The following NPM1 variants were observed in gnomAD, a reference collection of about 807,000 sequenced individuals.
The protein encoded by NPM1 is nucleophosmin 1, also known as nucleophosmin.
A neutral mutation model predicts 44.1 loss-of-function variants in NPM1; 1 was observed. That is an observed-to-expected ratio of 0.02 (90% CI 0.01 to 0.11). The LOEUF is 0.11. Ranked by LOEUF, NPM1 falls within the 10% of genes least tolerant of loss-of-function variation. NPM1 has a pLI of 1.00. For synonymous variants in NPM1, 126 were observed against 111.8 expected, an observed-to-expected ratio of 1.13 and a Z score of -0.80; for missense variants, 197 against 347.8, an observed-to-expected ratio of 0.57 and a Z score of 3.45.
At chr5:171,387,514 C>T (rs1401350383), upstream of NPM1, 5 of 206,984 alleles carry the variant, frequency 2.4e-5, no homozygotes, top group South Asian at 1.8e-4. Context: ...GTGGGCTGCG[C>T]AGACTCTTGG....
upstream of NPM1, chr5:171,387,520 C>A (rs1383210072): frequency 9.2e-6 from 2 of 216,584 alleles, no homozygotes; most frequent in Admixed American, 1.2e-4. Flanking sequence ...TGCGCAGACT[C>A]TTGGCGGGAG....
At chr5:171,406,965 C>A (rs955779017) in intron 9 of NPM1, 1 of 157,010 alleles carries the variant, frequency 6.4e-6, no homozygotes, top group Non-Finnish European at 1.4e-5. Flanking sequence ...GTGATAAATA[C>A]AAACATTTCA....
chr5:171,390,182 T>C (rs1330606893), intron 2 of NPM1, 52 bp downstream of exon 2: 1 of 1,060,250 alleles, frequency 9.4e-7, no homozygotes, highest in Admixed American at 2.7e-5. Flanking sequence ...TTCAGCCTTT[T>C]AGTTTCTATT....
intron 8 of NPM1, among the ~76,000 whole-genome samples, chr5:171,401,550 C>T (rs1247120481): frequency 6.6e-6 from 1 of 152,178 alleles, no homozygotes. Flanking sequence ...GATTCTCCTG[C>T]CTCAGCTTCC....
At chr5:171,395,479 T>A (rs189202035) in intron 6 of NPM1, among the ~76,000 whole-genome samples, 17 of 152,228 alleles carry the variant, frequency 1.1e-4, no homozygotes, top group African/African-American at 4.1e-4. Context: ...TTTGTATTTT[T>A]AGTAGAGACG....
chr5:171,388,602 G>A (rs1770401855), intron 1 of NPM1, among the ~76,000 whole-genome samples: 2 of 150,756 alleles, frequency 1.3e-5, no homozygotes, highest in East Asian at 2.0e-4. Context: ...TTGGGGGAGG[G>A]AGGGGGGTGT....
At chr5:171,398,380 G>A (rs1771021452) in intron 6 of NPM1, among the ~76,000 whole-genome samples, 1 of 152,104 alleles carries the variant, frequency 6.6e-6, no homozygotes, top group Admixed American at 6.6e-5. Flanking sequence ...TGTGAATGGA[G>A]GGGTCTAAAT....
chr5:171,390,235 A>G, intron 2 of NPM1, 105 bp downstream of exon 2: 1 of 611,306 alleles, frequency 1.6e-6, no homozygotes, highest in East Asian at 3.1e-5. Context: ...CTGCTTATAA[A>G]ATACTATTTC....
intron 9 of NPM1, chr5:171,406,526 C>G: frequency 6.5e-7 from 1 of 1,540,480 alleles, no homozygotes; most frequent in African/African-American, 1.4e-5. Context: ...ATTTTAATCT[C>G]AATCCCCTTT....
intron 8 of NPM1, among the ~76,000 whole-genome samples, chr5:171,402,952 CTTTTTT>C (rs560900151): frequency 1.1e-5 from 1 of 91,866 alleles, no homozygotes; most frequent in African/African-American, 4.0e-5. Flanking sequence ...TCAGGTAGTT[CTTTTTT>C]TTTTTTTTCA....
Position 171,392,742 on chromosome 5 carries a change from G to C in NPM1, c.385G>C (p.Glu129Gln). The C allele has an allele frequency of 1.2e-6, 2 of 1,612,576 alleles. No individual in the cohort carries two copies. The highest frequency in any genetic ancestry group is 8.5e-7 in the Non-Finnish European group (1 of 1,178,740). ...VEEDAESEDEEEEDVKLLSIS... is the reference protein window; with the variant it reads ...VEEDAESEDEQEEDVKLLSIS... ...GGAAGATGCAGAGTCAGAAGATGAA[G>C]AGGAGGAGGATGTGAAACTCTTAAG... The change falls in exon 5 of 11, where the codon GAG becomes CAG. Residue 129 changes from glutamate to glutamine, a missense_variant. Coordinates refer to ENST00000296930, the MANE Select transcript of NPM1 (RefSeq NM_002520.7).
At chr5:171,406,605 ACTG>A (rs1442391346) in intron 9 of NPM1, 27 of 1,383,928 alleles carry the variant, frequency 2.0e-5, no homozygotes, top group Non-Finnish European at 2.4e-5. Flanking sequence ...CTTTCTTCTG[ACTG>A]CTGTGATTCA....
In NPM1 at chr5:171,405,328, A is replaced by C; in HGVS notation, c.696A>C (p.Glu232Asp). Residue 232 changes from glutamate (E) to aspartate (D), a missense_variant, in exon 9 of 11, where the codon GAA (glutamate) becomes GAC (aspartate). Around this residue, in one of 5 missense-constraint regions of NPM1, gnomAD observed 47 missense variants for 106.5 expected, o/e 0.44. Coordinates refer to ENST00000296930, the MANE Select transcript of NPM1 (RefSeq NM_002520.7). ...GACAAGAATCCTTCAAGAAACAGGAAAAAACTCCTAAAACACCAAAAGGAC... is the reference window on the plus strand; with the variant it reads ...GACAAGAATCCTTCAAGAAACAGGACAAAACTCCTAAAACACCAAAAGGAC... ...SKGQESFKKQ[E>D]KTPKTPKGPS... is the part of the protein sequence containing the mutation. 1 of 1,587,266 alleles carries C rather than the reference A, an allele frequency of 6.3e-7. No individual in the cohort carries two copies. Among genetic ancestry groups the C allele is most frequent in the Non-Finnish European group, 8.6e-7 (1 of 1,160,182 alleles).
At chr5:171,395,271 C>G (rs1020038437) in intron 6 of NPM1, among the ~76,000 whole-genome samples, 1 of 151,432 alleles carries the variant, frequency 6.6e-6, no homozygotes, top group Admixed American at 6.6e-5. Context: ...GTGTAGATAT[C>G]AAGGTCCAAA....
chr5:171,387,613 A>G, upstream of NPM1: 2 of 292,778 alleles, frequency 6.8e-6, no homozygotes, highest in South Asian at 1.6e-4. Context: ...GCGTGCGCAC[A>G]GGCGACAGCA....
At chr5:171,400,270 TG>T in intron 7 of NPM1, 60 bp downstream of exon 7, 2 of 1,556,216 alleles carry the variant, frequency 1.3e-6, no homozygotes, top group Non-Finnish European at 1.8e-6. Context: ...GATTTTTTAG[TG>T]CTATTTGCTT....
At chr5:171,404,048 C>G (rs1771416317) in intron 8 of NPM1, among the ~76,000 whole-genome samples, 1 of 68,586 alleles carries the variant, frequency 1.5e-5, no homozygotes, top group Non-Finnish European at 3.0e-5. Flanking sequence ...AGAGGCAACC[C>G]TCACCTCCCG....
intron 7 of NPM1, 149 bp downstream of exon 7, chr5:171,400,359 TAA>T (rs1771130258): frequency 8.0e-6 from 5 of 621,604 alleles, no homozygotes; most frequent in African/African-American, 6.2e-5. Flanking sequence ...ACAGAAAACT[TAA>T]GAGTGGGGAA....
intron 7 of NPM1, among the ~76,000 whole-genome samples, chr5:171,400,427 C>T (rs1460998424): frequency 6.6e-6 from 1 of 151,230 alleles, no homozygotes; most frequent in Non-Finnish European, 1.5e-5. Flanking sequence ...TCTTGTGTAA[C>T]CTTTTGTCCA....
Sources: gnomAD v4.1 joint callset for allele counts (sites outside exome capture counted in the v4.1 genomes callset) on GRCh38, gnomAD v4.1.1 for gene constraint, gnomAD v4.1.1 regional missense constraint, MANE v1.5 for transcripts, NCBI Gene and HGNC (gene_info 2026-07-23, HGNC 2026-07-21) for gene names.